ZBTB16: variants seen among roughly 807,000 people sequenced by gnomAD.
The protein encoded by ZBTB16 is zinc finger and BTB domain containing 16.
In ZBTB16, 8 loss-of-function variants were observed where a neutral mutation model predicts 56.8. The observed-to-expected ratio is 0.14, with a 90% CI of 0.08 to 0.25. The LOEUF is 0.25. ZBTB16 is among the 10% of genes least tolerant of loss of function. The pLI is 1.00. For missense variants in ZBTB16, 625 were observed against 903.0 expected (o/e 0.69, Z 3.95); for synonymous variants, 363 against 368.5 (o/e 0.98, Z 0.17).
intron 4 of ZBTB16, among the ~76,000 whole-genome samples, chr11:114,233,336 C>G (rs576997450): frequency 2.6e-5 from 4 of 152,024 alleles, no homozygotes; most frequent in Non-Finnish European, 2.9e-5. Context: ...TTTTAATCCT[C>G]GGATTCATTA....
chr11:114,174,787 C>T (rs931294513), intron 3 of ZBTB16, among the ~76,000 whole-genome samples: 1 of 152,200 alleles, frequency 6.6e-6, no homozygotes, highest in Non-Finnish European at 1.5e-5. Context: ...GTAAGCTGTA[C>T]AAGCCCTGTA....
chr11:114,061,335 C>CCTGAGGGAA (rs1938851890), intron 1 of ZBTB16: 1 of 152,180 alleles, frequency 6.6e-6, no homozygotes, highest in Non-Finnish European at 1.5e-5. Flanking sequence ...TGTTTCAGGG[C>CCTGAGGGAA]GCCAAGCTTC....
In ZBTB16 at chr11:114,242,210, C is replaced by T; in HGVS notation, c.1497C>T (p.Phe499=). The change falls in exon 5 of 7, where the codon TTC becomes TTT. Residue 499 remains phenylalanine (F), a synonymous_variant. Transcript: ENST00000335953. ...AVFCLLCGKR[F]QAQSALQQHM... is the part of the protein sequence containing the mutation. ...TCTGTCTGCTGTGTGGGAAGCGCTT[C>T]CAGGCGCAGAGCGCACTGCAGCAGC... 6.2e-7 allele frequency: 1 copy of T among 1,613,892 alleles called. No individual in the cohort carries two copies. Among genetic ancestry groups the T allele is most frequent in the Non-Finnish European group, 8.5e-7 (1 of 1,179,956 alleles).
intron 4 of ZBTB16, among the ~76,000 whole-genome samples, chr11:114,236,271 G>C (rs1944588214): frequency 6.6e-6 from 1 of 152,106 alleles, no homozygotes; most frequent in African/African-American, 2.4e-5. Context: ...ATGAAGTTAG[G>C]GTTGGAAAGG....
At chr11:114,235,670 CTT>C (rs1207478212) in intron 4 of ZBTB16, among the ~76,000 whole-genome samples, 1 of 26,042 alleles carries the variant, frequency 3.8e-5, no homozygotes, top group African/African-American at 9.2e-5. Context: ...TTCTTTCTTT[CTT>C]TCTTTCTTTC....
intron 2 of ZBTB16, among the ~76,000 whole-genome samples, chr11:114,071,533 T>G (rs1443097750): frequency 2.0e-5 from 3 of 152,232 alleles, no homozygotes; most frequent in Non-Finnish European, 4.4e-5. Flanking sequence ...TATCCTAAAC[T>G]GTTAAAATCA....
At chr11:114,129,862 C>A (rs1486706284) in intron 2 of ZBTB16, among the ~76,000 whole-genome samples, 3 of 152,240 alleles carry the variant, frequency 2.0e-5, no homozygotes, top group Non-Finnish European at 4.4e-5. Context: ...CTTCTCCCCC[C>A]TCCTTCTCTC....
chr11:114,062,598 T>C (rs1042978398), intron 1 of ZBTB16, among the ~76,000 whole-genome samples: 1 of 152,180 alleles, frequency 6.6e-6, no homozygotes, highest in African/African-American at 2.4e-5. Context: ...CTGAGAACAG[T>C]AGAAGGCCAG....
intron 2 of ZBTB16, among the ~76,000 whole-genome samples, chr11:114,086,621 A>G (rs572405784): frequency 1.3e-3 from 191 of 152,332 alleles, no homozygotes; most frequent in African/African-American, 4.5e-3. Flanking sequence ...TTGAGCATTT[A>G]CTATGGACAA....
At chr11:114,103,233 T>G (rs1402401524) in intron 2 of ZBTB16, among the ~76,000 whole-genome samples, 3 of 151,900 alleles carry the variant, frequency 2.0e-5, no homozygotes, top group Non-Finnish European at 4.4e-5. Context: ...AGGTGTGGAG[T>G]GTGCAGGGAG....
intron 2 of ZBTB16, among the ~76,000 whole-genome samples, chr11:114,110,188 A>C (rs1302237932): frequency 6.6e-6 from 1 of 151,278 alleles, no homozygotes; most frequent in Non-Finnish European, 1.5e-5. Flanking sequence ...CTGTGCCCCC[A>C]CCCCCTTTTC....
At chr11:114,183,847 T>C (rs1943305351) in intron 3 of ZBTB16, among the ~76,000 whole-genome samples, 1 of 152,210 alleles carries the variant, frequency 6.6e-6, no homozygotes, top group South Asian at 2.1e-4. Flanking sequence ...AAGGTAGTCT[T>C]GGCTGCTACC....
intron 3 of ZBTB16, among the ~76,000 whole-genome samples, chr11:114,167,423 CTTT>C (rs11291386): frequency 1.0e-4 from 13 of 127,152 alleles, no homozygotes; most frequent in Admixed American, 3.2e-4. Flanking sequence ...CTACCCCTTG[CTTT>C]TTTTTTTTTT....
intron 2 of ZBTB16, among the ~76,000 whole-genome samples, chr11:114,133,273 G>T (rs1025324923): frequency 4.6e-5 from 7 of 152,056 alleles, no homozygotes; most frequent in Non-Finnish European, 8.8e-5. Context: ...AACCAGAGGC[G>T]TTGGCTCCTC....
At position 114,247,137 on chromosome 11, in the gene ZBTB16, C is replaced by G. The variant is rs1944830603; in HGVS notation, c.1625-61C>G. The G allele has an allele frequency of 7.4e-6, 12 of 1,612,568 alleles. No homozygotes were observed. The Admixed American group carries it at 1.2e-4, about 16-fold the overall frequency. On this transcript the variant is annotated intron_variant, in intron 5 of 6. Transcript: ENST00000335953. ...CTTCTCATGCACAGAATGTGCCCTACTGTCCCCTGAAGAGGGGGCAGGGAG... is the reference window on the plus strand; with the variant it reads ...CTTCTCATGCACAGAATGTGCCCTAGTGTCCCCTGAAGAGGGGGCAGGGAG...
intron 2 of ZBTB16, among the ~76,000 whole-genome samples, chr11:114,109,347 G>A (rs1239071220): frequency 6.6e-6 from 1 of 152,182 alleles, no homozygotes; most frequent in Non-Finnish European, 1.5e-5. Context: ...CATCTTCTTT[G>A]GCTTAGTCAG....
chr11:114,228,070 G>A (rs546418040), intron 4 of ZBTB16, among the ~76,000 whole-genome samples: 1 of 152,182 alleles, frequency 6.6e-6, no homozygotes, highest in South Asian at 2.1e-4. Flanking sequence ...TTGTGCCATT[G>A]GCTCCCTGGG....
At chr11:114,108,044 G>T (rs553430949) in intron 2 of ZBTB16, among the ~76,000 whole-genome samples, 17 of 152,126 alleles carry the variant, frequency 1.1e-4, no homozygotes, top group African/African-American at 3.6e-4. Flanking sequence ...TGTAAAAGAT[G>T]CTGGGAGGGT....
intron 2 of ZBTB16, among the ~76,000 whole-genome samples, chr11:114,138,741 A>C (rs536608704): frequency 6.6e-6 from 1 of 151,584 alleles, no homozygotes; most frequent in East Asian, 1.9e-4. Context: ...CCCAGGCTGG[A>C]GTGCAGTGGT....
Sources: allele counts gnomAD v4.1 joint callset (sites outside exome capture counted in the v4.1 genomes callset), GRCh38; gene constraint gnomAD v4.1.1; transcripts MANE v1.5; gene names NCBI Gene and HGNC (gene_info 2026-07-23, HGNC 2026-07-21).